Variants in TMEM131 observed in about 807,000 individuals in gnomAD.
TMEM131 encodes transmembrane protein 131.
TMEM131 carries 66 observed loss-of-function variants against 211.6 expected under a neutral mutation model. That is an observed-to-expected ratio of 0.31 (90% CI 0.26 to 0.38). The LOEUF is 0.38. TMEM131 is among the 10% of genes least tolerant of loss of function. The pLI, the probability that TMEM131 is intolerant of heterozygous loss-of-function variation, is 1.00. For synonymous variants in TMEM131, 844 were observed against 841.3 expected (o/e 1.00, Z -0.06); for missense variants, 2,036 against 2,299.3 (o/e 0.89, Z 2.34).
intron 11 of TMEM131, among the ~76,000 whole-genome samples, chr2:97,820,855 A>G (rs181927913): frequency 0.024 from 3,347 of 139,670 alleles, 60 homozygotes; most frequent in Middle Eastern, 0.065. Flanking sequence ...GACTCCTTCT[A>G]AAAAAAAAAA....
chr2:97,809,558 C>T (rs1681456459), intron 19 of TMEM131, 130 bp downstream of exon 19: 8 of 652,932 alleles, frequency 1.2e-5, no homozygotes, highest in Non-Finnish European at 1.9e-5. Flanking sequence ...TCTAAAGAAC[C>T]TGGTATAATG....
At chr2:97,806,344 C>G (rs1681295946) in intron 19 of TMEM131, among the ~76,000 whole-genome samples, 1 of 152,178 alleles carries the variant, frequency 6.6e-6, no homozygotes, top group Admixed American at 6.5e-5. Flanking sequence ...CGAGACCAGC[C>G]AGGCCAACAT....
intron 1 of TMEM131, among the ~76,000 whole-genome samples, chr2:97,954,395 G>C (rs1218183599): frequency 6.6e-6 from 1 of 152,198 alleles, no homozygotes; most frequent in Non-Finnish European, 1.5e-5. Context: ...TCATAAATTT[G>C]ACAACTTTGA....
At chr2:97,798,965 AGAT>A (rs1344389580) in intron 25 of TMEM131, among the ~76,000 whole-genome samples, 1 of 152,192 alleles carries the variant, frequency 6.6e-6, no homozygotes, top group Non-Finnish European at 1.5e-5. Context: ...GAAAACTTTA[AGAT>A]GTTGTGATGC....
At chr2:97,943,053 G>GAAAAGAAAAGAAAAGA (rs1320631396) in intron 1 of TMEM131, among the ~76,000 whole-genome samples, 2 of 66,212 alleles carry the variant, frequency 3.0e-5, no homozygotes, top group Admixed American at 3.3e-4. Flanking sequence ...AAGAAAGAAA[G>GAAAAGAAAAGAAAAGA]AAAGAAAGAA....
At chr2:97,886,963 A>G (rs1380591769) in intron 4 of TMEM131, among the ~76,000 whole-genome samples, 1 of 152,130 alleles carries the variant, frequency 6.6e-6, no homozygotes, top group African/African-American at 2.4e-5. Flanking sequence ...CTGAACTGGG[A>G]GTTATGTTTG....
chr2:97,979,761 C>A (rs1174217739), intron 1 of TMEM131, among the ~76,000 whole-genome samples: 1 of 152,186 alleles, frequency 6.6e-6, no homozygotes, highest in Admixed American at 6.5e-5. Flanking sequence ...GTTTTGCTTT[C>A]TTATCATTCA....
intron 32 of TMEM131, among the ~76,000 whole-genome samples, chr2:97,775,449 A>G (rs561974861): frequency 2.6e-5 from 4 of 152,330 alleles, no homozygotes; most frequent in Non-Finnish European, 5.9e-5. Context: ...TGACAGGAAA[A>G]ACACAACCTA....
chr2:97,853,627 A>G (rs2105152309), intron 5 of TMEM131, among the ~76,000 whole-genome samples: 1 of 148,496 alleles, frequency 6.7e-6, no homozygotes, highest in South Asian at 2.1e-4. Context: ...AAAAAAAAAG[A>G]ACATTTGTGA....
At chr2:97,974,347 A>G (rs1679435103) in intron 1 of TMEM131, among the ~76,000 whole-genome samples, 1 of 152,184 alleles carries the variant, frequency 6.6e-6, no homozygotes, top group Non-Finnish European at 1.5e-5. Context: ...CTGTGGGATC[A>G]ACTTCAAGCT....
intron 1 of TMEM131, among the ~76,000 whole-genome samples, chr2:97,944,163 C>A (rs1005209377): frequency 6.6e-6 from 1 of 152,016 alleles, no homozygotes; most frequent in Non-Finnish European, 1.5e-5. Context: ...AGAAACAAAC[C>A]CTCGCATTTA....
At chr2:97,805,770 C>T in intron 19 of TMEM131, 67 bp from the exon 20 acceptor site, 1 of 1,401,832 alleles carries the variant, frequency 7.1e-7, no homozygotes, top group Non-Finnish European at 9.6e-7. Context: ...TCACAAGTTT[C>T]AGAGTAGACA....
intron 1 of TMEM131, among the ~76,000 whole-genome samples, chr2:97,978,888 T>C (rs1355349494): frequency 6.6e-6 from 1 of 152,158 alleles, no homozygotes; most frequent in Non-Finnish European, 1.5e-5. Context: ...TTTGCCCAGA[T>C]CCAACTGAGG....
At chr2:97,919,342 A>G (rs1676640989) in intron 2 of TMEM131, among the ~76,000 whole-genome samples, 1 of 152,196 alleles carries the variant, frequency 6.6e-6, no homozygotes, top group Non-Finnish European at 1.5e-5. Context: ...TTCTGGTGAC[A>G]AATTCTCTCC....
intron 9 of TMEM131, 43 bp downstream of exon 9, chr2:97,834,732 C>A (rs759062535): frequency 1.2e-6 from 2 of 1,608,258 alleles, no homozygotes; most frequent in East Asian, 4.5e-5. Flanking sequence ...GTAAGCTATA[C>A]TGAAAACAAA....
chr2:97,857,382 T>A (rs1215504896), intron 5 of TMEM131, among the ~76,000 whole-genome samples: 1 of 152,172 alleles, frequency 6.6e-6, no homozygotes, highest in African/African-American at 2.4e-5. Context: ...TAGCCCAGTT[T>A]AAGAATCTGT....
chr2:97,914,015 G>C (rs1676401289), intron 2 of TMEM131, among the ~76,000 whole-genome samples: 1 of 152,120 alleles, frequency 6.6e-6, no homozygotes, highest in African/African-American at 2.4e-5. Context: ...GTCTGCTTTT[G>C]ATTATGAAGA....
At position 97,827,940 on chromosome 2, in the gene TMEM131, CA is replaced by C. The variant is rs556666680; in HGVS notation, c.1074+5424del. Reference sequence around the variant, plus strand: ...GAACATTTTAAATTACTTCTATTACCATGTTGTTTTTTAGTAGAATTGTTTC... The same window carrying C: ...GAACATTTTAAATTACTTCTATTACCTGTTGTTTTTTAGTAGAATTGTTTC... On this transcript the variant is annotated intron_variant, in intron 11 of 40. Coordinates refer to ENST00000186436, the MANE Select transcript of TMEM131 (RefSeq NM_015348.2). Among the ~76,000 whole-genome samples, 382 of 152,158 alleles carry C rather than the reference CA, an allele frequency of 2.5e-3. 5 individuals are homozygous for C. The highest frequency in any genetic ancestry group is 0.024 in the Admixed American group (373 of 15,280).
intron 5 of TMEM131, among the ~76,000 whole-genome samples, chr2:97,857,551 G>T (rs923519803): frequency 1.3e-5 from 2 of 152,194 alleles, no homozygotes; most frequent in African/African-American, 4.8e-5. Flanking sequence ...TAGTGCAATT[G>T]TGAACTATTT....
Sources: allele counts gnomAD v4.1 joint callset (sites outside exome capture counted in the v4.1 genomes callset), GRCh38; gene constraint gnomAD v4.1.1; transcripts MANE v1.5; gene names NCBI Gene and HGNC (gene_info 2026-07-23, HGNC 2026-07-21).